The following OPCML variants were observed in gnomAD, a reference collection of about 807,000 sequenced individuals.
OPCML encodes the protein opioid binding protein/cell adhesion molecule like, also known as opioid-binding protein/cell adhesion molecule.
OPCML carries 13 observed loss-of-function variants against 37.8 expected under a neutral mutation model. That is an observed-to-expected ratio of 0.34 (90% CI 0.22 to 0.55). The LOEUF (loss-of-function observed/expected upper bound fraction) is 0.55, where lower values mean the gene tolerates loss of function less well. Among genes scored for constraint, OPCML ranks in the 20% least tolerant of loss-of-function variants. The probability of loss-of-function intolerance (pLI) is 0.91; values close to 1 mark genes in which losing one functional copy is unlikely to be tolerated. For synonymous variants in OPCML, 176 were observed against 168.8 expected, an observed-to-expected ratio of 1.04 and a Z score of -0.33; for missense variants, 341 against 435.6, an observed-to-expected ratio of 0.78 and a Z score of 1.93.
chr11:132,838,514 T>C (rs1228515678), intron 2 of OPCML, among the ~76,000 whole-genome samples: 1 of 152,204 alleles, frequency 6.6e-6, no homozygotes, highest in Non-Finnish European at 1.5e-5. Context: ...CCAATGGCAA[T>C]GTTGGAGACA....
intron 1 of OPCML, chr11:133,300,161 G>C (rs61912380): frequency 0.19 from 28,765 of 152,064 alleles, 2,949 homozygotes; most frequent in South Asian, 0.33. Flanking sequence ...ATCATCAAAG[G>C]GGAAAAGAAA....
chr11:132,671,835 GA>G (rs897799482), intron 2 of OPCML, among the ~76,000 whole-genome samples: 12 of 150,582 alleles, frequency 8.0e-5, no homozygotes, highest in Middle Eastern at 3.4e-3. Context: ...AGAAAAGGAA[GA>G]AAAAAAAGAG....
intron 1 of OPCML, among the ~76,000 whole-genome samples, chr11:133,253,456 C>T (rs1389876567): frequency 2.0e-5 from 3 of 152,220 alleles, no homozygotes; most frequent in East Asian, 3.9e-4. Flanking sequence ...ATTACAGACA[C>T]GCACCACCAT....
chr11:132,618,954 TAC>T (rs6144570), intron 3 of OPCML, among the ~76,000 whole-genome samples: 2,745 of 145,448 alleles, frequency 0.019, 37 homozygotes, highest in Middle Eastern at 0.028. Flanking sequence ...AGCACACGCA[TAC>T]ACACACACAC....
intron 1 of OPCML, among the ~76,000 whole-genome samples, chr11:133,219,687 C>T (rs1254269627): frequency 1.3e-5 from 2 of 152,070 alleles, no homozygotes; most frequent in Non-Finnish European, 1.5e-5. Context: ...CTTTGGGGAC[C>T]CTTGACAGAG....
chr11:133,132,757 G>A (rs1949625392), intron 1 of OPCML, among the ~76,000 whole-genome samples: 1 of 151,600 alleles, frequency 6.6e-6, no homozygotes, highest in African/African-American at 2.4e-5. Flanking sequence ...GAAAAAACAA[G>A]AGTACATTCT....
At chr11:133,471,452 G>A (rs569838780) in intron 1 of OPCML, among the ~76,000 whole-genome samples, 7 of 152,268 alleles carry the variant, frequency 4.6e-5, no homozygotes, top group Admixed American at 6.5e-5. Context: ...GAGCTAGAGA[G>A]AATATTGGCT....
chr11:132,776,545 GT>G (rs1189784271), intron 2 of OPCML, among the ~76,000 whole-genome samples: 1 of 151,838 alleles, frequency 6.6e-6, no homozygotes, highest in Non-Finnish European at 1.5e-5. Flanking sequence ...TGCAAGATCT[GT>G]TTTTTCAAAG....
At chr11:133,251,027 T>C (rs1941116081) in intron 1 of OPCML, among the ~76,000 whole-genome samples, 1 of 152,086 alleles carries the variant, frequency 6.6e-6, no homozygotes, top group South Asian at 2.1e-4. Context: ...AGACGTTCAT[T>C]AGAAATCAGA....
In OPCML at chr11:132,539,614, T is replaced by C. The variant is rs375102000; in HGVS notation, c.380-10428A>G. ...TGATGGTGATAGATGATGATGGTGA[T>C]AGTGATAATAACGGTGATGATGATG... On this transcript the variant is annotated intron_variant, in intron 3 of 7. Transcript: ENST00000524381. Among the ~76,000 whole-genome samples, 4 of 152,030 alleles carry C rather than the reference T, an allele frequency of 2.6e-5. No individual in the cohort carries two copies. The East Asian group carries it at 7.7e-4, about 29-fold the overall frequency.
chr11:133,354,316 T>G (rs1944229733), intron 1 of OPCML, among the ~76,000 whole-genome samples: 1 of 2,184 alleles, frequency 4.6e-4, no homozygotes, highest in Non-Finnish European at 8.9e-4. Flanking sequence ...GTGTTGGTAG[T>G]GGTGGTGGTG....
chr11:132,593,009 C>T (rs2096486972), intron 3 of OPCML, among the ~76,000 whole-genome samples: 1 of 152,124 alleles, frequency 6.6e-6, no homozygotes, highest in South Asian at 2.1e-4. Context: ...GGAAAAAAAG[C>T]ACTGGAAGAC....
chr11:133,501,174 A>G (rs994642686), intron 1 of OPCML, among the ~76,000 whole-genome samples: 1 of 152,126 alleles, frequency 6.6e-6, no homozygotes, highest in Non-Finnish European at 1.5e-5. Context: ...CAGAACATGG[A>G]GACACACAAG....
At chr11:132,529,336 G>A (rs1565640366) in intron 3 of OPCML, 150 bp from the exon 4 acceptor site, 1 of 886,810 alleles carries the variant, frequency 1.1e-6, no homozygotes, top group East Asian at 2.8e-5. Flanking sequence ...CCAAGGATAT[G>A]GCCATATACA....
chr11:132,952,651 G>A (rs769405532), intron 1 of OPCML, among the ~76,000 whole-genome samples: 2 of 152,094 alleles, frequency 1.3e-5, no homozygotes, highest in African/African-American at 2.4e-5. Flanking sequence ...AACCAACATT[G>A]TGCGTGAATT....
chr11:133,041,762 AC>A (rs902144035), intron 1 of OPCML, among the ~76,000 whole-genome samples: 6 of 152,214 alleles, frequency 3.9e-5, no homozygotes, highest in African/African-American at 1.4e-4. Flanking sequence ...GGGAGAATGT[AC>A]TTAAAAAGAC....
chr11:132,730,612 C>A (rs1945044729), intron 2 of OPCML, among the ~76,000 whole-genome samples: 1 of 152,028 alleles, frequency 6.6e-6, no homozygotes, highest in Non-Finnish European at 1.5e-5. Flanking sequence ...TGGAAGAGAG[C>A]AGTTCTGATA....
At chr11:133,070,861 G>A (rs529783526) in intron 1 of OPCML, among the ~76,000 whole-genome samples, 1 of 152,248 alleles carries the variant, frequency 6.6e-6, no homozygotes, top group South Asian at 2.1e-4. Flanking sequence ...GACCACACCT[G>A]GGCAGGAGAG....
intron 1 of OPCML, among the ~76,000 whole-genome samples, chr11:133,151,022 C>G (rs1391988081): frequency 1.3e-5 from 2 of 151,916 alleles, no homozygotes; most frequent in African/African-American, 4.8e-5. Context: ...TGCCTGTAAT[C>G]CCAGCACTTT....
Sources: gnomAD v4.1 joint callset for allele counts (sites outside exome capture counted in the v4.1 genomes callset) on GRCh38, gnomAD v4.1.1 for gene constraint, MANE v1.5 for transcripts, NCBI Gene and HGNC (gene_info 2026-07-23, HGNC 2026-07-21) for gene names.